The following SH3GL2 variants were observed in gnomAD, a reference collection of about 807,000 sequenced individuals.
SH3GL2 encodes the protein endophilin-A1.
Under a neutral mutation model 46.0 loss-of-function variants are expected in SH3GL2, and 24 were observed. The ratio of observed to expected loss-of-function variants is 0.52; its 90% CI spans 0.38 to 0.73. The LOEUF (loss-of-function observed/expected upper bound fraction) is 0.73. Ranked by LOEUF, SH3GL2 falls within the 30% of genes least tolerant of loss-of-function variation. The pLI is 0.00. For missense variants in SH3GL2, 413 were observed against 424.2 expected (o/e 0.97, Z 0.23); for synonymous variants, 196 against 147.1 (o/e 1.33, Z -2.40).
At chr9:17,730,611 C>T (rs1203286307) in intron 1 of SH3GL2, among the ~76,000 whole-genome samples, 4 of 151,986 alleles carry the variant, frequency 2.6e-5, no homozygotes, top group Non-Finnish European at 5.9e-5. Flanking sequence ...ATAAATAGCT[C>T]TTATTATTTT....
At chr9:17,711,479 C>T (rs2118274326) in intron 1 of SH3GL2, among the ~76,000 whole-genome samples, 1 of 151,954 alleles carries the variant, frequency 6.6e-6, no homozygotes, top group Non-Finnish European at 1.5e-5. Flanking sequence ...GGTAATTCCT[C>T]CATTTCCCCA....
At chr9:17,703,360 T>C (rs1236437089) in intron 1 of SH3GL2, among the ~76,000 whole-genome samples, 1 of 151,986 alleles carries the variant, frequency 6.6e-6, no homozygotes, top group Non-Finnish European at 1.5e-5. Flanking sequence ...TAATCACAAG[T>C]TTGAATATTA....
chr9:17,585,708 C>G (rs533520220), intron 1 of SH3GL2, among the ~76,000 whole-genome samples: 1 of 152,094 alleles, frequency 6.6e-6, no homozygotes, highest in African/African-American at 2.4e-5. Flanking sequence ...GTTCACAGTG[C>G]GTTGCATTGG....
rs151212774 is a variant in SH3GL2, at chr9:17,737,331, T to A, written c.46-9735T>A. ...CAAACCTGCATGTTCTGCACATGTA[T>A]CCCAGAACTTAAAATATAATTTTAA... On this transcript the variant is annotated intron_variant, in intron 1 of 8. Coordinates refer to ENST00000380607, the MANE Select transcript of SH3GL2 (RefSeq NM_003026.5). 7.1e-3 allele frequency among the ~76,000 whole-genome samples: 1,079 copies of A among 151,976 alleles called. 12 individuals carry two copies. The highest frequency in any genetic ancestry group is 0.025 in the African/African-American group (1,030 of 41,452).
intron 2 of SH3GL2, among the ~76,000 whole-genome samples, chr9:17,750,454 A>G (rs1341856927): frequency 2.0e-5 from 3 of 151,958 alleles, no homozygotes; most frequent in Non-Finnish European, 2.9e-5. Flanking sequence ...TAAAATCATC[A>G]TGTGTGTCCC....
rs373011943 is a variant in SH3GL2 at position 17,641,670 on chromosome 9, T to A, written c.45+62383T>A. Among the ~76,000 whole-genome samples, 64 of 152,296 alleles carry A rather than the reference T, an allele frequency of 4.2e-4. 1 individual carries two copies. The South Asian group carries it at 0.012, about 30-fold the overall frequency. ...GTGTTCTCATTGTTCAACACCCATT[T>A]ATGAGTGAGAACATGTGGTGTTTGG... On this transcript the variant is annotated intron_variant, in intron 1 of 8. Coordinates refer to ENST00000380607, the MANE Select transcript of SH3GL2 (RefSeq NM_003026.5).
At chr9:17,762,414 A>G (rs201794468) in intron 3 of SH3GL2, among the ~76,000 whole-genome samples, 1 of 151,140 alleles carries the variant, frequency 6.6e-6, no homozygotes, top group African/African-American at 2.4e-5. Context: ...AAAAAAAAAA[A>G]AGGGGGCGGG....
At chr9:17,692,748 A>G (rs1473042865) in intron 1 of SH3GL2, among the ~76,000 whole-genome samples, 1 of 152,152 alleles carries the variant, frequency 6.6e-6, no homozygotes, top group Non-Finnish European at 1.5e-5. Context: ...GTTGGTTTTC[A>G]CACTGCTGAT....
chr9:17,607,600 C>T (rs968649423), intron 1 of SH3GL2, among the ~76,000 whole-genome samples: 7 of 152,170 alleles, frequency 4.6e-5, no homozygotes, highest in African/African-American at 7.2e-5. Flanking sequence ...TTTAGCTGAA[C>T]GATTAAGTAG....
intron 1 of SH3GL2, among the ~76,000 whole-genome samples, chr9:17,633,391 T>C (rs1407075419): frequency 1.3e-5 from 2 of 152,168 alleles, no homozygotes; most frequent in Non-Finnish European, 2.9e-5. Context: ...AAGTCATCCA[T>C]GTAAAAGCAT....
At chr9:17,754,220 T>C (rs1822926305) in intron 2 of SH3GL2, among the ~76,000 whole-genome samples, 1 of 152,212 alleles carries the variant, frequency 6.6e-6, no homozygotes, top group African/African-American at 2.4e-5. Flanking sequence ...GCTAAGAATC[T>C]TAATGGTAGT....
At chr9:17,680,965 T>C (rs556266220) in intron 1 of SH3GL2, among the ~76,000 whole-genome samples, 1 of 152,322 alleles carries the variant, frequency 6.6e-6, no homozygotes, top group Non-Finnish European at 1.5e-5. Context: ...AATCCTGAGT[T>C]CTAGTTTGAT....
chr9:17,675,477 C>T (rs1367638309), intron 1 of SH3GL2, among the ~76,000 whole-genome samples: 1 of 152,168 alleles, frequency 6.6e-6, no homozygotes, highest in Non-Finnish European at 1.5e-5. Flanking sequence ...ATATCAGTAT[C>T]TGTCTGAAAA....
At chr9:17,594,605 C>A (rs892325445) in intron 1 of SH3GL2, among the ~76,000 whole-genome samples, 1 of 152,000 alleles carries the variant, frequency 6.6e-6, no homozygotes, top group Non-Finnish European at 1.5e-5. Context: ...ATGTAACAAA[C>A]CTGCACGTTC....
intron 1 of SH3GL2, among the ~76,000 whole-genome samples, chr9:17,701,731 T>A (rs1298163559): frequency 6.6e-6 from 1 of 151,912 alleles, no homozygotes; most frequent in African/African-American, 2.4e-5. Context: ...AAGATAAAAT[T>A]CCTAGCTATA....
chr9:17,637,115 G>T (rs1819560078), intron 1 of SH3GL2, among the ~76,000 whole-genome samples: 2 of 152,184 alleles, frequency 1.3e-5, no homozygotes, highest in Non-Finnish European at 2.9e-5. Context: ...GTTGAGTGGA[G>T]TTTGCAGTAA....
intron 8 of SH3GL2, among the ~76,000 whole-genome samples, chr9:17,795,128 T>A (rs1824239957): frequency 6.6e-6 from 1 of 152,234 alleles, no homozygotes; most frequent in African/African-American, 2.4e-5. Flanking sequence ...GCAAAGGTTT[T>A]AAAGTGCTCA....
intron 1 of SH3GL2, among the ~76,000 whole-genome samples, chr9:17,723,723 T>C (rs1289264135): frequency 6.6e-6 from 1 of 152,078 alleles, no homozygotes; most frequent in Non-Finnish European, 1.5e-5. Flanking sequence ...CTGCTACCTA[T>C]GAAGACTTGC....
intron 1 of SH3GL2, among the ~76,000 whole-genome samples, chr9:17,649,076 T>C (rs1248199260): frequency 3.3e-5 from 5 of 152,170 alleles, no homozygotes; most frequent in African/African-American, 4.8e-5. Flanking sequence ...AACTCAAGGA[T>C]TAATCGTAAG....
Sources: gnomAD v4.1 joint callset for allele counts (sites outside exome capture counted in the v4.1 genomes callset) on GRCh38, gnomAD v4.1.1 for gene constraint, MANE v1.5 for transcripts, NCBI Gene and HGNC (gene_info 2026-07-23, HGNC 2026-07-21) for gene names.